Variants in LAMA4 observed in about 807,000 individuals in gnomAD.
LAMA4 encodes the protein laminin subunit alpha 4, also known as laminin subunit alpha-4.
Under a neutral mutation model 207.1 loss-of-function variants are expected in LAMA4, and 127 were observed. The observed-to-expected ratio is 0.61, with a 90% CI of 0.53 to 0.71. The LOEUF is 0.71. LAMA4 is among the 30% of genes least tolerant of loss of function. The probability of loss-of-function intolerance (pLI) is 0.00; values close to 1 mark genes in which losing one functional copy is unlikely to be tolerated. For missense variants in LAMA4, 2,093 were observed against 2,246.5 expected, an observed-to-expected ratio of 0.93 and a Z score of 1.38; for synonymous variants, 761 against 816.0, an observed-to-expected ratio of 0.93 and a Z score of 1.15.
Position 112,172,816 on chromosome 6 carries a change from T to C in LAMA4, c.1358-12A>G, listed in dbSNP as rs397516716. 56 of 1,611,468 alleles carry C rather than the reference T, an allele frequency of 3.5e-5. No homozygotes were observed. Among genetic ancestry groups the C allele is most frequent in the South Asian group, 7.7e-5 (7 of 90,846 alleles). Reference sequence around the variant, plus strand: ...AGCCTGGCTCAGTACTGGGAAGAAATGGAGATAAAGGCTCAGTGTGGCTTT... The same window carrying C: ...AGCCTGGCTCAGTACTGGGAAGAAACGGAGATAAAGGCTCAGTGTGGCTTT... On this transcript the variant is annotated splice_polypyrimidine_tract_variant and intron_variant, in intron 11 of 38. Coordinates refer to ENST00000230538, the MANE Select transcript of LAMA4 (RefSeq NM_001105206.3).
chr6:112,145,124 C>T (rs1282512646), intron 18 of LAMA4, among the ~76,000 whole-genome samples, 191 bp from the exon 19 acceptor site: 3 of 152,216 alleles, frequency 2.0e-5, no homozygotes, highest in Non-Finnish European at 2.9e-5. Flanking sequence ...AGGCAGACAT[C>T]TGGGCCAGAC....
In LAMA4 at chr6:112,130,296, ATT is replaced by A. The variant is rs3220450; in HGVS notation, c.3969-258_3969-257del. ...ATTCAGATGACTAGTCATCAGCATT[ATT>A]TTTGTGTGTGTGTGTGTGTGTGTGT... On this transcript the variant is annotated intron_variant, in intron 29 of 38. Coordinates refer to ENST00000230538, the MANE Select transcript of LAMA4 (RefSeq NM_001105206.3). The A allele has an allele frequency of 9.6e-4, 438 of 458,036 alleles. 1 individual carries two copies. Among genetic ancestry groups the A allele is most frequent in the South Asian group, 3.9e-3 (177 of 45,722 alleles). The allele number at this position is 458,036 out of a possible 1,614,324, so 28.4% of individuals were successfully genotyped here.
intron 3 of LAMA4, chr6:112,214,027 G>T: frequency 1.3e-6 from 1 of 764,130 alleles, no homozygotes. Flanking sequence ...GAGAATGAAC[G>T]ATAGGGCAGA....
intron 18 of LAMA4, among the ~76,000 whole-genome samples, chr6:112,146,788 G>A (rs532220805): frequency 6.6e-6 from 1 of 152,252 alleles, no homozygotes; most frequent in East Asian, 1.9e-4. Context: ...TAAAATAATA[G>A]CAACTATCAG....
rs782058486 is a variant in LAMA4 at position 112,148,296 on chromosome 6, G to A, written c.2214C>T (p.Thr738=). The change falls in exon 18 of 39, where the codon ACC becomes ACT. Residue 738 remains threonine, a synonymous_variant. Transcript: ENST00000230538. ...QQRLGQSRLI[T]EEANRTTMEV... ...CCATCGTCGTCCTGTTGGCTTCCTC[G>A]GTGATCAGTCTAGACTGCCCCAGGC... 4.2e-5 allele frequency: 68 copies of A among 1,614,146 alleles called. No individual in the cohort carries two copies. In the Middle Eastern group the frequency reaches 4.9e-4, roughly 12 times the overall value.
Position 112,142,243 on chromosome 6 carries a change from G to C in LAMA4, c.2543C>G (p.Ser848Trp). Residue 848 changes from serine to tryptophan, a missense_variant, in exon 20 of 39, where the codon TCG (serine) becomes TGG (tryptophan). By Grantham distance (177) the Ser-to-Trp change is radical. Around this residue, in one of 3 missense-constraint regions of LAMA4, gnomAD observed 1,704 missense variants for 1,788.4 expected, o/e 0.95. Transcript: ENST00000230538. ...CTTTAAGTCATCCATACTGGTTCTC[G>C]AGTGCACTTCCACAGCTGACTGGCC... Reference protein sequence around the residue: ...FDGQSAVEVHSRTSMDDLKAF... With the variant: ...FDGQSAVEVHWRTSMDDLKAF... 6.2e-7 allele frequency: 1 copy of C among 1,614,040 alleles called. No individual in the cohort carries two copies. The highest frequency in any genetic ancestry group is 1.1e-5 in the South Asian group (1 of 91,076).
In LAMA4 at chr6:112,148,246, ATGGGGGCAG is replaced by A. The variant is rs782101463; in HGVS notation, c.2255_2263del (p.Thr752_Pro754del). On this transcript the variant is annotated inframe_deletion, in exon 18 of 39. Transcript: ENST00000230538. ...TGACCAGTTGGTTAGATTGTTGGCC[ATGGGGGCAG>A]TGGCCTGCTGCACCTCCATCGTCGT... 6.2e-7 allele frequency: 1 copy of A among 1,614,220 alleles called. No homozygotes were observed. The highest frequency in any genetic ancestry group is 8.5e-7 in the Non-Finnish European group (1 of 1,180,020).
chr6:112,201,588 A>G lies in LAMA4; in HGVS notation c.503+20T>C. 5.0e-6 allele frequency: 8 copies of G among 1,600,624 alleles called. No individual in the cohort carries two copies. The highest frequency in any genetic ancestry group is 6.9e-6 in the Non-Finnish European group (8 of 1,167,702). ...GCTTCCTTTGACCCACACAGAAAAT[A>G]GAGAATTTTATTGGCTTACCTTTCA... is the stretch of plus-strand genomic sequence containing the variant. On this transcript the variant is annotated intron_variant, in intron 5 of 38. Transcript: ENST00000230538.
intron 13 of LAMA4, among the ~76,000 whole-genome samples, chr6:112,160,861 A>C (rs571603665): frequency 5.6e-4 from 86 of 152,302 alleles, no homozygotes; most frequent in African/African-American, 2.0e-3. Context: ...TAATCTTCCT[A>C]TTAAGAAAAT....
intron 2 of LAMA4, among the ~76,000 whole-genome samples, chr6:112,250,307 C>G (rs935996701): frequency 6.6e-6 from 1 of 152,152 alleles, no homozygotes; most frequent in Non-Finnish European, 1.5e-5. Flanking sequence ...ATTCTGCAAT[C>G]TTTTAATGGC....
rs558175308 is a variant in LAMA4 at position 112,250,066 on chromosome 6, G to A, written c.195+3890C>T. Among the ~76,000 whole-genome samples the A allele has an allele frequency of 1.6e-4, 24 of 152,094 alleles. 1 individual carries two copies. In the South Asian group the frequency reaches 4.8e-3, roughly 30 times the overall value. On this transcript the variant is annotated intron_variant, in intron 2 of 38. Transcript: ENST00000230538. ...CTTGTACCTATTTTATTGCTCTTTC[G>A]AGGTAAGGCTCCAAACCAGCTTGTT...
chr6:112,134,407 T>C, intron 26 of LAMA4, 60 bp downstream of exon 26: 2 of 1,568,024 alleles, frequency 1.3e-6, no homozygotes, highest in Non-Finnish European at 1.8e-6. Context: ...AGACCTCTCC[T>C]GGATGTTGCC....
At position 112,254,111 on chromosome 6, in the gene LAMA4, A is replaced by G. The variant is rs782293373; in HGVS notation, c.40T>C (p.Trp14Arg). The change falls in exon 2 of 39, where the codon TGG becomes CGG. Residue 14 changes from tryptophan to arginine, a missense_variant. Physicochemically the swap from Trp to Arg is moderately radical, Grantham distance 101. Transcript: ENST00000230538. ...GAGCAGGCAGCGCTCCAGAGGAGCC[A>G]CAGAGGCAGAACCGAGCGCCAGGCT... is the stretch of plus-strand genomic sequence containing the variant. ...SSAWRSVLPL[W>R]LLWSAACSRA... 2.2e-5 allele frequency: 35 copies of G among 1,612,820 alleles called. No individual in the cohort carries two copies. Among genetic ancestry groups the G allele is most frequent in the Non-Finnish European group, 3.0e-5 (35 of 1,179,940 alleles).
chr6:112,182,220 C>T (rs1313222740), intron 9 of LAMA4, among the ~76,000 whole-genome samples: 4 of 152,034 alleles, frequency 2.6e-5, no homozygotes, highest in Admixed American at 6.5e-5. Flanking sequence ...TTCCAGGACC[C>T]CACAGATACC....
chr6:112,181,428 T>C (rs1380529445), intron 9 of LAMA4, among the ~76,000 whole-genome samples: 1 of 152,220 alleles, frequency 6.6e-6, no homozygotes, highest in African/African-American at 2.4e-5. Flanking sequence ...TGACAGCTTC[T>C]TCAGCATTAT....
chr6:112,127,624 C>T (rs1046941938), intron 31 of LAMA4, among the ~76,000 whole-genome samples: 12 of 151,794 alleles, frequency 7.9e-5, no homozygotes, highest in Admixed American at 1.3e-4. Context: ...GGAGTGTAGT[C>T]GGGGGGCCAT....
intron 10 of LAMA4, 133 bp from the exon 11 acceptor site, chr6:112,175,613 C>A: frequency 1.2e-6 from 1 of 867,706 alleles, no homozygotes. Context: ...TCAAAAGCAG[C>A]GTGCTAGTGT....
chr6:112,216,655 T>G, intron 2 of LAMA4, 186 bp from the exon 3 acceptor site: 1 of 610,976 alleles, frequency 1.6e-6, no homozygotes, highest in South Asian at 1.9e-5. Flanking sequence ...ATAGATGATG[T>G]ATATATAATC....
intron 2 of LAMA4, chr6:112,216,850 G>A (rs1432972966): frequency 6.4e-6 from 2 of 314,772 alleles, no homozygotes; most frequent in Non-Finnish European, 1.2e-5. Context: ...ATTAGTCAGG[G>A]TGAGGTCATG....
Sources: gnomAD v4.1 joint callset for allele counts (sites outside exome capture counted in the v4.1 genomes callset) on GRCh38, gnomAD v4.1.1 for gene constraint, gnomAD v4.1.1 regional missense constraint, MANE v1.5 for transcripts, NCBI Gene and HGNC (gene_info 2026-07-23, HGNC 2026-07-21) for gene names.